Variants in TULP4 observed in about 807,000 individuals in gnomAD.
TULP4 encodes tubby-related protein 4.
Under a neutral mutation model 129.0 loss-of-function variants are expected in TULP4, and 16 were observed. The ratio of observed to expected loss-of-function variants is 0.12; its 90% confidence interval spans 0.08 to 0.19. TULP4 has a LOEUF of 0.19. Among genes scored for constraint, TULP4 ranks in the 10% least tolerant of loss-of-function variants. TULP4 has a pLI of 1.00. For missense variants in TULP4, 1,842 were observed against 2,059.1 expected, an observed-to-expected ratio of 0.89 and a Z score of 2.04; for synonymous variants, 998 against 854.0, an observed-to-expected ratio of 1.17 and a Z score of -2.94.
In TULP4 at chr6:158,482,358, C is replaced by T. The variant is rs572509948; in HGVS notation, c.1486+1069C>T. ...CTGCCAGCCTTCATTTGTTCAGCATCGGCAGTGACACTCTACTACCCCTGC... is the reference window on the plus strand; with the variant it reads ...CTGCCAGCCTTCATTTGTTCAGCATTGGCAGTGACACTCTACTACCCCTGC... On this transcript the variant is annotated intron_variant, in intron 8 of 13. Transcript: ENST00000367097. 4.9e-4 allele frequency among the ~76,000 whole-genome samples: 74 copies of T among 152,274 alleles called. 1 individual carries two copies. Among genetic ancestry groups the T allele is most frequent in the African/African-American group, 1.8e-3 (73 of 41,560 alleles).
At chr6:158,335,765 A>C (rs573961816) in intron 1 of TULP4, among the ~76,000 whole-genome samples, 1 of 152,140 alleles carries the variant, frequency 6.6e-6, no homozygotes, top group East Asian at 1.9e-4. Context: ...CATCTTCCTC[A>C]TTTCTTTTTT....
chr6:158,234,725 T>G (rs62437129), intron 1 of TULP4, among the ~76,000 whole-genome samples: 23,725 of 152,230 alleles, frequency 0.16, 2,208 homozygotes, highest in Middle Eastern at 0.22. Context: ...TTACAGAAAT[T>G]GTACATTTGT....
rs374214750 is a variant in TULP4, at chr6:158,317,061, G to C, written c.252+2793G>C. ...GGATTACACTGGGTGTGCATACCAG[G>C]GGGTGTGGTTTTAGAATTCTGCCTA... is the stretch of plus-strand genomic sequence containing the variant. On this transcript the variant is annotated intron_variant, in intron 1 of 13. Transcript: ENST00000367097. 2.6e-5 allele frequency among the ~76,000 whole-genome samples: 4 copies of C among 152,298 alleles called. No individual in the cohort carries two copies. In the East Asian group the frequency reaches 7.7e-4, roughly 29 times the overall value.
chr6:158,357,714 C>T (rs1452846411), intron 1 of TULP4, among the ~76,000 whole-genome samples: 4 of 152,262 alleles, frequency 2.6e-5, no homozygotes, highest in Non-Finnish European at 5.9e-5. Flanking sequence ...AAGGTCCCTA[C>T]ACCAGTGCTG....
chr6:158,239,277 A>G (rs1583664182), intron 1 of TULP4, among the ~76,000 whole-genome samples: 1 of 50,006 alleles, frequency 2.0e-5, no homozygotes, highest in Non-Finnish European at 4.3e-5. Flanking sequence ...CTGGCCGGGC[A>G]GAGGGGCTCC....
intron 1 of TULP4, among the ~76,000 whole-genome samples, chr6:158,329,342 G>A (rs1259683764): frequency 6.6e-6 from 1 of 151,238 alleles, no homozygotes; most frequent in African/African-American, 2.4e-5. Flanking sequence ...TTTCCTCCCT[G>A]TATATAATCC....
intron 1 of TULP4, among the ~76,000 whole-genome samples, chr6:158,268,970 G>C (rs893086271): frequency 6.6e-6 from 1 of 152,192 alleles, no homozygotes; most frequent in Non-Finnish European, 1.5e-5. Flanking sequence ...TTTTTGGAAA[G>C]CTGCACTAGA....
At chr6:158,244,639 A>G (rs1777992617) in intron 1 of TULP4, among the ~76,000 whole-genome samples, 1 of 152,114 alleles carries the variant, frequency 6.6e-6, no homozygotes, top group Non-Finnish European at 1.5e-5. Context: ...CCTGAGAATG[A>G]AACCTACCTT....
chr6:158,302,244 C>T (rs187899655), intron 1 of TULP4, among the ~76,000 whole-genome samples: 15 of 152,286 alleles, frequency 9.8e-5, no homozygotes, highest in Non-Finnish European at 1.5e-4. Context: ...CCATTGATAA[C>T]GAGCTGCAGG....
At chr6:158,371,763 C>G (rs1777074926) in intron 1 of TULP4, among the ~76,000 whole-genome samples, 2 of 152,148 alleles carry the variant, frequency 1.3e-5, no homozygotes, top group Admixed American at 6.5e-5. Flanking sequence ...AGAGTAGAGG[C>G]CATTTGAAAG....
At chr6:158,357,141 C>G (rs1291812665) in intron 1 of TULP4, among the ~76,000 whole-genome samples, 1 of 152,238 alleles carries the variant, frequency 6.6e-6, no homozygotes, top group African/African-American at 2.4e-5. Context: ...CCCCTAGCTT[C>G]TCCCGTCTGC....
In TULP4 at chr6:158,450,873, G is replaced by A. The variant is rs1209675153; in HGVS notation, c.725-1261G>A. Among the ~76,000 whole-genome samples, 7 of 151,970 alleles carry A rather than the reference G, an allele frequency of 4.6e-5. No homozygotes were observed. In the East Asian group the frequency reaches 1.2e-3, roughly 25 times the overall value. On this transcript the variant is annotated intron_variant, in intron 4 of 13. Transcript: ENST00000367097. Reference sequence around the variant, plus strand: ...AGATCGAGACCATCCTGGCTAACACGCTGAAATCCCGTCTCTACTAAAAAT... The same window carrying A: ...AGATCGAGACCATCCTGGCTAACACACTGAAATCCCGTCTCTACTAAAAAT...
At chr6:158,453,273 C>T (rs561065596) in intron 5 of TULP4, among the ~76,000 whole-genome samples, 1 of 152,074 alleles carries the variant, frequency 6.6e-6, no homozygotes, top group Admixed American at 6.5e-5. Flanking sequence ...CGAGACCAGC[C>T]TGGCAAACAT....
rs529099910 is a variant in TULP4 at position 158,365,252 on chromosome 6, T to C, written c.253-47813T>C. Among the ~76,000 whole-genome samples, 3 of 152,182 alleles carry C rather than the reference T, an allele frequency of 2.0e-5. No individual in the cohort carries two copies. The South Asian group carries it at 6.2e-4, about 32-fold the overall frequency. ...CTCATAGAGAGAAGTGTTTTATCTC[T>C]ATTCTATACACAGAGTGAATTTAAT... On this transcript the variant is annotated intron_variant, in intron 1 of 13. Transcript: ENST00000367097.
At chr6:158,242,290 A>G (rs1777937611) in intron 1 of TULP4, 1 of 1,560,660 alleles carries the variant, frequency 6.4e-7, no homozygotes, top group South Asian at 1.1e-5. Flanking sequence ...AGTGTTTAGC[A>G]CAGCTCATGT....
At chr6:158,286,184 G>GT (rs1365624213) in intron 1 of TULP4, among the ~76,000 whole-genome samples, 1 of 152,188 alleles carries the variant, frequency 6.6e-6, no homozygotes, top group Non-Finnish European at 1.5e-5. Flanking sequence ...ACTTGAAATT[G>GT]TAAGTTAAAA....
chr6:158,306,433 C>T (rs1446854197), intron 1 of TULP4, among the ~76,000 whole-genome samples: 1 of 152,174 alleles, frequency 6.6e-6, no homozygotes, highest in East Asian at 1.9e-4. Context: ...CGGCATGCGC[C>T]TGTAGTCCCA....
chr6:158,312,459 G>C (rs1162585625), upstream of TULP4: 2 of 218,038 alleles, frequency 9.2e-6, no homozygotes, highest in African/African-American at 4.5e-5. Context: ...AAAGAAGTGT[G>C]ATTTCAAACA....
At chr6:158,263,246 A>G (rs1215742417) in intron 1 of TULP4, among the ~76,000 whole-genome samples, 1 of 152,238 alleles carries the variant, frequency 6.6e-6, no homozygotes, top group Non-Finnish European at 1.5e-5. Context: ...ACAGGTTGTT[A>G]GTAACTTGAC....
Sources: allele counts gnomAD v4.1 joint callset (sites outside exome capture counted in the v4.1 genomes callset), GRCh38; gene constraint gnomAD v4.1.1; transcripts MANE v1.5; gene names NCBI Gene and HGNC (gene_info 2026-07-23, HGNC 2026-07-21).